Variants in ANKRD27 observed in about 807,000 individuals in gnomAD.
ANKRD27 encodes ankyrin repeat domain-containing protein 27.
A neutral mutation model predicts 129.7 loss-of-function variants in ANKRD27; 112 were observed. The observed-to-expected ratio is 0.86, with a 90% confidence interval of 0.74 to 1.01. The LOEUF (loss-of-function observed/expected upper bound fraction) is 1.01. ANKRD27 is among the 50% of genes least tolerant of loss of function. ANKRD27 has a pLI of 0.00. For missense variants in ANKRD27, 1,258 were observed against 1,300.5 expected, an observed-to-expected ratio of 0.97 and a Z score of 0.50; for synonymous variants, 516 against 511.2, an observed-to-expected ratio of 1.01 and a Z score of -0.13.
chr19:32,615,828 G>A (rs2145270025), intron 21 of ANKRD27, 48 bp from the exon 22 acceptor site: 2 of 1,592,546 alleles, frequency 1.3e-6, no homozygotes, highest in East Asian at 2.2e-5. Flanking sequence ...CAGCGTCTTT[G>A]CATGCACAAT....
At chr19:32,604,154 G>A (rs891853063) in intron 25 of ANKRD27, 109 bp downstream of exon 25, 9 of 1,301,616 alleles carry the variant, frequency 6.9e-6, no homozygotes, top group African/African-American at 1.5e-5. Flanking sequence ...CCAGCCCGGC[G>A]ATGCCAAGGG....
chr19:32,602,114 T>C lies in ANKRD27; in HGVS notation c.2668A>G (p.Met890Val). 1 of 1,609,632 alleles carries C rather than the reference T, an allele frequency of 6.2e-7. No individual in the cohort carries two copies. The highest frequency in any genetic ancestry group is 8.5e-7 in the Non-Finnish European group (1 of 1,176,878). ...CTTGGTACCACCTGAAGCAATTCCA[T>C]TATTTTTGAATTCTGCAATTTGAAA... The part of the protein sequence containing the change: ...VDCAEQNSKI[M>V]ELLQVVPSCV... Residue 890 changes from methionine to valine, a missense_variant, in exon 26 of 29, where the codon ATG (methionine) becomes GTG (valine). Coordinates refer to ENST00000306065, the MANE Select transcript of ANKRD27 (RefSeq NM_032139.3).
chr19:32,645,976 G>T (rs1212187145), intron 4 of ANKRD27, among the ~76,000 whole-genome samples: 2 of 151,768 alleles, frequency 1.3e-5, no homozygotes, highest in Admixed American at 6.6e-5. Context: ...CTGTCACCCA[G>T]GATCGAGTAC....
chr19:32,611,115 A>G (rs987997666), intron 22 of ANKRD27, among the ~76,000 whole-genome samples: 2 of 152,226 alleles, frequency 1.3e-5, no homozygotes, highest in Non-Finnish European at 2.9e-5. Flanking sequence ...CAAAAAGAGA[A>G]TAAGAGGTTT....
At position 32,619,498 on chromosome 19, in the gene ANKRD27, G is replaced by A. The variant is rs141524480; in HGVS notation, c.1883C>T (p.Ser628Phe). 1,145 of 1,613,972 alleles carry A rather than the reference G, an allele frequency of 7.1e-4. 1 individual carries two copies. Among genetic ancestry groups the A allele is most frequent in the Non-Finnish European group, 9.0e-4 (1,065 of 1,180,032 alleles). The change falls in exon 19 of 29, where the codon TCC becomes TTC. Residue 628 changes from serine (S) to phenylalanine (F), a missense_variant. Transcript: ENST00000306065. ...TGCTCAGCCCGGCTGACTTACCTCGGACGACTTCTGCCTCCTCTCGAAGGA... is the reference window on the plus strand; with the variant it reads ...TGCTCAGCCCGGCTGACTTACCTCGAACGACTTCTGCCTCCTCTCGAAGGA... ...HLSFERRQKS[S>F]EAPVQSPQRS...
intron 23 of ANKRD27, among the ~76,000 whole-genome samples, chr19:32,607,144 TAAAA>T (rs34734065): frequency 6.4e-5 from 6 of 94,356 alleles, no homozygotes; most frequent in East Asian, 3.6e-4. Context: ...GGTGATGTCT[TAAAA>T]AAAAAAAAAA....
chr19:32,629,583 C>T (rs1966953215), intron 13 of ANKRD27, among the ~76,000 whole-genome samples: 1 of 152,018 alleles, frequency 6.6e-6, no homozygotes, highest in Non-Finnish European at 1.5e-5. Context: ...GCCTGTAATC[C>T]CAGCGACTCG....
At chr19:32,600,671 C>T (rs1054299975) in intron 26 of ANKRD27, among the ~76,000 whole-genome samples, 1 of 152,098 alleles carries the variant, frequency 6.6e-6, no homozygotes, top group African/African-American at 2.4e-5. Flanking sequence ...CACTGCTGGT[C>T]CCAAGCATTT....
chr19:32,598,302 T>C lies in ANKRD27; in HGVS notation c.2996A>G (p.Asn999Ser). 1 of 1,614,232 alleles carries C rather than the reference T, an allele frequency of 6.2e-7. No homozygotes were observed. The highest frequency in any genetic ancestry group is 1.1e-5 in the South Asian group (1 of 91,086). Residue 999 changes from asparagine to serine, a missense_variant, in exon 29 of 29, where the codon AAC (asparagine) becomes AGC (serine). Asn to Ser is a conservative substitution (Grantham distance 46). Transcript: ENST00000306065. ...QSGSHAAEKG[N>S]SDWPERPGLT... Reference sequence around the variant, plus strand: ...TCCAGGCCTCTCTGGCCAGTCGCTGTTGCCTTTCTCAGCAGCATGAGATCC... The same window carrying C: ...TCCAGGCCTCTCTGGCCAGTCGCTGCTGCCTTTCTCAGCAGCATGAGATCC...
chr19:32,601,873 A>T, intron 26 of ANKRD27, 142 bp downstream of exon 26: 1 of 583,232 alleles, frequency 1.7e-6, no homozygotes, highest in Non-Finnish European at 3.0e-6. Context: ...GGGAGGTAAC[A>T]TACATTTCTT....
chr19:32,633,428 G>T (rs972850288), intron 12 of ANKRD27, among the ~76,000 whole-genome samples: 15 of 149,588 alleles, frequency 1.0e-4, no homozygotes, highest in African/African-American at 3.7e-4. Flanking sequence ...GAACTACCAG[G>T]TTCAAGTGAT....
chr19:32,650,910 A>G (rs1465931665), intron 2 of ANKRD27, among the ~76,000 whole-genome samples: 1 of 87,494 alleles, frequency 1.1e-5, no homozygotes, highest in Non-Finnish European at 2.6e-5. Flanking sequence ...AACCATGACC[A>G]GCATTTTTTT....
chr19:32,637,963 G>C (rs1224691836), intron 12 of ANKRD27: 3 of 152,360 alleles, frequency 2.0e-5, no homozygotes, highest in African/African-American at 7.2e-5. Context: ...CAAGGTAGGG[G>C]CTGAGGGCAG....
intron 18 of ANKRD27, among the ~76,000 whole-genome samples, chr19:32,621,983 C>G (rs1184538611): frequency 6.6e-6 from 1 of 152,144 alleles, no homozygotes; most frequent in Non-Finnish European, 1.5e-5. Context: ...AAAAGGTGAG[C>G]TCATTAACAA....
chr19:32,598,189 C>T lies in ANKRD27; in HGVS notation c.3109G>A (p.Gly1037Ser). The T allele has an allele frequency of 1.2e-6, 2 of 1,614,142 alleles. No individual in the cohort carries two copies. Among genetic ancestry groups the T allele is most frequent in the Non-Finnish European group, 1.7e-6 (2 of 1,180,034 alleles). Reference protein sequence around the residue: ...AVVSQGPEAAGPLSTPQEVSA... With the variant: ...AVVSQGPEAASPLSTPQEVSA... ...ACCTCTTGGGGAGTGGAGAGGGGGC[C>T]AGCAGCCTCCGGGCCCTGGGACACG... The change falls in exon 29 of 29, where the codon GGC (glycine) becomes AGC (serine). Residue 1037 changes from glycine (G) to serine (S), a missense_variant. Gly to Ser is a moderately conservative substitution (Grantham distance 56). Coordinates refer to ENST00000306065, the MANE Select transcript of ANKRD27 (RefSeq NM_032139.3).
chr19:32,641,967 C>G, intron 10 of ANKRD27, 57 bp downstream of exon 10: 1 of 1,501,454 alleles, frequency 6.7e-7, no homozygotes, highest in Non-Finnish European at 8.9e-7. Flanking sequence ...TCACTCTTTG[C>G]TTTTTCATCT....
intron 20 of ANKRD27, among the ~76,000 whole-genome samples, chr19:32,618,970 C>T (rs1971964511): frequency 6.6e-6 from 1 of 152,202 alleles, no homozygotes; most frequent in African/African-American, 2.4e-5. Context: ...CATGACCTGA[C>T]TTGTCTTCTT....
At chr19:32,620,404 C>T (rs1388647532) in intron 18 of ANKRD27, among the ~76,000 whole-genome samples, 2 of 143,670 alleles carry the variant, frequency 1.4e-5, no homozygotes, top group Non-Finnish European at 3.0e-5. Flanking sequence ...AATAAAAATA[C>T]AAAAAAAAAA....
rs1013105923 is a variant in ANKRD27, at chr19:32,597,108, C to T, written c.*1037G>A. The stretch of plus-strand genomic sequence containing the variant: ...AAATTACTTTGTAGAAAAATAATCC[C>T]TCCCTTCCTTCTGTACATACACAAG... On this transcript the variant is annotated 3_prime_UTR_variant, in exon 29 of 29. Transcript: ENST00000306065. 4 of 140,460 alleles carry T rather than the reference C, an allele frequency of 2.8e-5. No individual in the cohort carries two copies. Among genetic ancestry groups the T allele is most frequent in the Non-Finnish European group, 6.3e-5 (4 of 63,032 alleles). The allele number at this position is 140,460 out of a possible 1,614,324, so 8.7% of individuals were successfully genotyped here.
Sources: allele counts gnomAD v4.1 joint callset (sites outside exome capture counted in the v4.1 genomes callset), GRCh38; gene constraint gnomAD v4.1.1; transcripts MANE v1.5; gene names NCBI Gene and HGNC (gene_info 2026-07-23, HGNC 2026-07-21).